Variants in PDE7B observed in about 807,000 individuals in gnomAD.
The protein encoded by PDE7B is phosphodiesterase 7B, also known as 3',5'-cyclic-AMP phosphodiesterase 7B.
Under a neutral mutation model 56.2 loss-of-function variants are expected in PDE7B, and 29 were observed. That is an observed-to-expected ratio of 0.52 (90% CI 0.38 to 0.70). The LOEUF (loss-of-function observed/expected upper bound fraction) is 0.70. Ranked by LOEUF, PDE7B falls within the 30% of genes least tolerant of loss-of-function variation. PDE7B has a pLI of 0.00. For missense variants in PDE7B, 490 were observed against 565.0 expected, an observed-to-expected ratio of 0.87 and a Z score of 1.35; for synonymous variants, 197 against 196.9, an observed-to-expected ratio of 1.00 and a Z score of 0.00.
chr6:136,009,482 C>T (rs1226149210), intron 2 of PDE7B, among the ~76,000 whole-genome samples: 1 of 152,094 alleles, frequency 6.6e-6, no homozygotes, highest in African/African-American at 2.4e-5. Flanking sequence ...GAATGTTCTT[C>T]CATTTGTCTG....
At chr6:136,150,457 GAA>G (rs534973773) in intron 5 of PDE7B, among the ~76,000 whole-genome samples, 127 of 152,262 alleles carry the variant, frequency 8.3e-4, no homozygotes, top group Non-Finnish European at 8.1e-4. Context: ...ACCATTTATT[GAA>G]GAGACTATCC....
At chr6:136,091,816 AT>A (rs148807622) in intron 2 of PDE7B, among the ~76,000 whole-genome samples, 7 of 149,754 alleles carry the variant, frequency 4.7e-5, no homozygotes, top group South Asian at 2.1e-4. Context: ...GGAATCAAAT[AT>A]TTTTTTTTTA....
chr6:136,129,563 C>T (rs1343180820), intron 3 of PDE7B, among the ~76,000 whole-genome samples: 2 of 152,176 alleles, frequency 1.3e-5, no homozygotes, highest in South Asian at 2.1e-4. Flanking sequence ...AGTGAGCTCC[C>T]GCTCTTGACA....
intron 2 of PDE7B, among the ~76,000 whole-genome samples, chr6:136,014,817 G>A (rs967539743): frequency 6.6e-6 from 1 of 152,068 alleles, no homozygotes; most frequent in African/African-American, 2.4e-5. Flanking sequence ...AAAACACATT[G>A]GCCCTCTGTT....
At chr6:136,019,169 A>G (rs371204263) in intron 2 of PDE7B, among the ~76,000 whole-genome samples, 1 of 152,298 alleles carries the variant, frequency 6.6e-6, no homozygotes, top group East Asian at 1.9e-4. Context: ...AGATTAATAA[A>G]TGATTCTTTG....
chr6:136,043,783 T>C (rs953825839), intron 2 of PDE7B: 5 of 152,180 alleles, frequency 3.3e-5, no homozygotes, highest in Non-Finnish European at 5.9e-5. Flanking sequence ...CAACTCTCTC[T>C]ATCCATTGTC....
intron 3 of PDE7B, among the ~76,000 whole-genome samples, chr6:136,136,135 G>A (rs907265048): frequency 6.6e-6 from 1 of 152,082 alleles, no homozygotes; most frequent in Non-Finnish European, 1.5e-5. Flanking sequence ...AGTAGAATGT[G>A]TGAAAGAGTG....
chr6:136,184,179 T>A (rs558772979), intron 11 of PDE7B, among the ~76,000 whole-genome samples: 2 of 152,338 alleles, frequency 1.3e-5, no homozygotes, highest in African/African-American at 4.8e-5. Context: ...CTTTGTACTC[T>A]CAAAGTACTA....
intron 2 of PDE7B, among the ~76,000 whole-genome samples, chr6:136,076,497 G>A (rs541047881): frequency 6.6e-6 from 1 of 152,138 alleles, no homozygotes; most frequent in East Asian, 1.9e-4. Context: ...AAGCTAATGT[G>A]TGCCCCCAAA....
intron 3 of PDE7B, among the ~76,000 whole-genome samples, chr6:136,121,987 T>G (rs1054280749): frequency 6.6e-6 from 1 of 152,010 alleles, no homozygotes; most frequent in Non-Finnish European, 1.5e-5. Flanking sequence ...TGGTCTTGAA[T>G]GCCAATTTAT....
rs1779232865 is a variant in PDE7B, at chr6:136,191,879, G to GCCC, written c.*42_*44dup. 7 of 1,478,792 alleles carry GCCC rather than the reference G, an allele frequency of 4.7e-6. No individual in the cohort carries two copies. Among genetic ancestry groups the GCCC allele is most frequent in the Non-Finnish European group, 6.4e-6 (7 of 1,087,102 alleles). The allele number at this position is 1,478,792 out of a possible 1,614,324, so 91.6% of individuals were successfully genotyped here. ...TTAGACGCGGCTCTCCTCCGGCAGG[G>GCCC]CCCCCAGAGGGCAGAAGCAGCGTGG... is the stretch of plus-strand genomic sequence containing the variant. On this transcript the variant is annotated 3_prime_UTR_variant, in exon 13 of 13. Coordinates refer to ENST00000308191, the MANE Select transcript of PDE7B (RefSeq NM_018945.4).
At chr6:136,116,361 G>A (rs1046246046) in intron 3 of PDE7B, among the ~76,000 whole-genome samples, 1 of 152,174 alleles carries the variant, frequency 6.6e-6, no homozygotes, top group Admixed American at 6.5e-5. Context: ...TTAAGAAGAG[G>A]ATCTCTAGAG....
rs544082817 is a variant in PDE7B, at chr6:135,899,536, A to G, written c.21+47517A>G. On this transcript the variant is annotated intron_variant, in intron 1 of 12. Transcript: ENST00000308191. Reference sequence around the variant, plus strand: ...AATTAGTTTTTCTGTGATTACTTGTATGAGTAAACATGTTCTAAAGTGGCT... The same window carrying G: ...AATTAGTTTTTCTGTGATTACTTGTGTGAGTAAACATGTTCTAAAGTGGCT... Among the ~76,000 whole-genome samples, 95 of 151,776 alleles carry G rather than the reference A, an allele frequency of 6.3e-4. 1 individual carries two copies. Among genetic ancestry groups the G allele is most frequent in the Non-Finnish European group, 7.4e-4 (50 of 67,906 alleles).
At chr6:136,169,918 T>G (rs1778852999) in intron 8 of PDE7B, among the ~76,000 whole-genome samples, 1 of 152,180 alleles carries the variant, frequency 6.6e-6, no homozygotes, top group Non-Finnish European at 1.5e-5. Context: ...AATGACTCCT[T>G]GGCAATTAGT....
intron 1 of PDE7B, among the ~76,000 whole-genome samples, chr6:135,879,296 T>A (rs112354505): frequency 0.019 from 2,856 of 152,210 alleles, 39 homozygotes; most frequent in Middle Eastern, 0.037. Flanking sequence ...CCTTTTCCCC[T>A]CTACAAACAA....
chr6:136,145,980 T>C (rs754837255), intron 3 of PDE7B, among the ~76,000 whole-genome samples: 6 of 152,218 alleles, frequency 3.9e-5, no homozygotes, highest in Non-Finnish European at 7.3e-5. Flanking sequence ...GATGTCTAAA[T>C]ACAACATGTG....
chr6:136,079,691 G>A (rs934867404), intron 2 of PDE7B, among the ~76,000 whole-genome samples: 4 of 140,588 alleles, frequency 2.8e-5, no homozygotes, highest in Admixed American at 7.6e-5. Context: ...GCCGGAAGTC[G>A]CAACTGAAGA....
intron 10 of PDE7B, among the ~76,000 whole-genome samples, chr6:136,180,747 C>T (rs542026187): frequency 3.3e-5 from 5 of 152,342 alleles, no homozygotes; most frequent in Admixed American, 6.5e-5. Flanking sequence ...GGGTTTGATA[C>T]GACTTCATTC....
intron 4 of PDE7B, 73 bp downstream of exon 4, chr6:136,147,575 G>A (rs1778438318): frequency 5.5e-6 from 7 of 1,282,548 alleles, no homozygotes; most frequent in Non-Finnish European, 3.4e-6. Flanking sequence ...TAGCACTGGT[G>A]TTGGAGTCCT....
Sources: gnomAD v4.1 joint callset for allele counts (sites outside exome capture counted in the v4.1 genomes callset) on GRCh38, gnomAD v4.1.1 for gene constraint, MANE v1.5 for transcripts, NCBI Gene and HGNC (gene_info 2026-07-23, HGNC 2026-07-21) for gene names.